The following TENM3 variants were observed in gnomAD, a reference collection of about 807,000 sequenced individuals.
The protein encoded by TENM3 is teneurin-3.
TENM3 carries 63 observed loss-of-function variants against 255.1 expected under a neutral mutation model. The observed-to-expected ratio is 0.25, with a 90% CI of 0.20 to 0.30. The LOEUF (loss-of-function observed/expected upper bound fraction) is 0.30, where lower values mean the gene tolerates loss of function less well. Ranked by LOEUF, TENM3 falls within the 10% of genes least tolerant of loss-of-function variation. The pLI is 1.00. For synonymous variants in TENM3, 1,306 were observed against 1,322.3 expected (o/e 0.99, Z 0.27); for missense variants, 2,929 against 3,461.1 (o/e 0.85, Z 3.86).
chr4:182,169,213 C>T lies in TENM3; in HGVS notation c.-76+24459C>T, dbSNP rs1001320602. 12 of 462,168 alleles carry T rather than the reference C, an allele frequency of 2.6e-5. 1 individual carries two copies. The highest frequency in any genetic ancestry group is 5.3e-5 in the Non-Finnish European group (12 of 224,616). The allele number at this position is 462,168 out of a possible 1,614,324, so 28.6% of individuals were successfully genotyped here. A position where few individuals can be genotyped will look rare whatever the true frequency, so the allele number is the denominator to read the frequency against. ...TTCATAAACCAAGTGATTTTTGAAG[C>T]CTGCAGTCTGGCGAGTCAGGTTGGT... On this transcript the variant is annotated intron_variant, in intron 1 of 2. Transcript: ENST00000512480.
At chr4:182,487,030 G>A (rs931850126) in intron 3 of TENM3, among the ~76,000 whole-genome samples, 5 of 152,016 alleles carry the variant, frequency 3.3e-5, no homozygotes, top group African/African-American at 9.7e-5. Context: ...CATCTCACTC[G>A]GTATCATAAC....
At chr4:181,491,443 C>T in the TENM3 span, among the ~76,000 whole-genome samples, 1 of 151,984 alleles carries the variant, frequency 6.6e-6, no homozygotes, top group East Asian at 1.9e-4. Flanking sequence ...CTCATTTTCT[C>T]TGCTTCTCTT....
rs544244379 is a variant in TENM3 at position 182,745,515 on chromosome 4, C to T, written c.3629+2096C>T. ...TTTAACAAGCGGGCCTATTCCATGCCGGGCATGGTGCCAGATATTTTATAT... is the reference window on the plus strand; with the variant it reads ...TTTAACAAGCGGGCCTATTCCATGCTGGGCATGGTGCCAGATATTTTATAT... On this transcript the variant is annotated intron_variant, in intron 19 of 27. Transcript: ENST00000511685. 1.8e-4 allele frequency among the ~76,000 whole-genome samples: 27 copies of T among 152,236 alleles called. No individual in the cohort carries two copies. The South Asian group carries it at 2.1e-3, about 12-fold the overall frequency.
At chr4:182,736,759 A>G in intron 16 of TENM3, 49 bp from the exon 17 acceptor site, 1 of 1,518,418 alleles carries the variant, frequency 6.6e-7, no homozygotes, top group Non-Finnish European at 8.9e-7. Context: ...ATTTTATCTA[A>G]TCGTCATACG....
At chr4:182,351,686 C>A (rs764479820) in intron 3 of TENM3, among the ~76,000 whole-genome samples, 7 of 152,202 alleles carry the variant, frequency 4.6e-5, no homozygotes, top group Non-Finnish European at 8.8e-5. Context: ...ACTCAGGACC[C>A]CGAGAGCCTC....
chr4:181,728,668 T>C, the TENM3 span, among the ~76,000 whole-genome samples: 6 of 152,184 alleles, frequency 3.9e-5, no homozygotes, highest in African/African-American at 1.4e-4. Flanking sequence ...GTGAAGGTTT[T>C]GGCCAGCTTC....
chr4:181,929,185 C>A, the TENM3 span, among the ~76,000 whole-genome samples: 2 of 152,212 alleles, frequency 1.3e-5, no homozygotes, highest in African/African-American at 2.4e-5. Context: ...ACAATAGTAA[C>A]CTTAAATGTA....
At chr4:182,197,249 T>C (rs1410811867) in intron 1 of TENM3, among the ~76,000 whole-genome samples, 2 of 151,874 alleles carry the variant, frequency 1.3e-5, no homozygotes, top group Non-Finnish European at 2.9e-5. Flanking sequence ...AAGTGAATTG[T>C]TTGCATCTAC....
At chr4:181,986,298 C>T in the TENM3 span, among the ~76,000 whole-genome samples, 25,962 of 151,850 alleles carry the variant, frequency 0.17, 2,434 homozygotes, top group Middle Eastern at 0.23. Context: ...GTTCTCCCTG[C>T]TCTCAGGGGT....
Position 182,775,069 on chromosome 4 carries a change from C to A in TENM3, c.5220C>A (p.Gly1740=). ...CCAAAAGAAACATGACTTTGCCTGG[C>A]GAGAACGGTCAAAACTTGGTGGAAT... The part of the protein sequence containing the change: ...TVAKRNMTLP[G]ENGQNLVEWR... The change falls in exon 24 of 28, where the codon GGC becomes GGA. Residue 1740 remains glycine (G), a synonymous_variant. Coordinates refer to ENST00000511685, the MANE Select transcript of TENM3 (RefSeq NM_001080477.4). 6.2e-7 allele frequency: 1 copy of A among 1,613,976 alleles called. No homozygotes were observed. The highest frequency in any genetic ancestry group is 8.5e-7 in the Non-Finnish European group (1 of 1,179,876).
chr4:182,562,032 A>G (rs1009719086), intron 3 of TENM3, among the ~76,000 whole-genome samples: 1 of 151,842 alleles, frequency 6.6e-6, no homozygotes, highest in Admixed American at 6.6e-5. Context: ...AGATAGATAG[A>G]TACACACCCT....
At chr4:182,136,736 A>G in the TENM3 span, among the ~76,000 whole-genome samples, 1 of 152,204 alleles carries the variant, frequency 6.6e-6, no homozygotes, top group Admixed American at 6.5e-5. Flanking sequence ...AGAGAAGCCC[A>G]TTATAACAGC....
intron 1 of TENM3, among the ~76,000 whole-genome samples, chr4:182,204,861 T>A (rs571912856): frequency 3.3e-5 from 5 of 152,236 alleles, no homozygotes; most frequent in Admixed American, 6.5e-5. Context: ...TGTATATGTT[T>A]GCCTATAGAG....
At chr4:182,221,955 G>A (rs1439222785) in intron 1 of TENM3, among the ~76,000 whole-genome samples, 2 of 152,090 alleles carry the variant, frequency 1.3e-5, no homozygotes, top group Non-Finnish European at 2.9e-5. Flanking sequence ...TTGAGTTTTT[G>A]CCTTGACATA....
the TENM3 span, among the ~76,000 whole-genome samples, chr4:181,856,076 A>G: frequency 4.6e-3 from 114 of 24,906 alleles, 3 homozygotes; most frequent in Admixed American, 0.032. Flanking sequence ...GGAAAGGAAG[A>G]AGGAAGGAAG....
At chr4:181,602,080 C>T in the TENM3 span, among the ~76,000 whole-genome samples, 1 of 152,120 alleles carries the variant, frequency 6.6e-6, no homozygotes, top group South Asian at 2.1e-4. Context: ...GTGGACAAAT[C>T]TTTTGGATGC....
the TENM3 span, chr4:182,079,507 GA>G: frequency 4.9e-5 from 7 of 143,608 alleles, no homozygotes; most frequent in Admixed American, 1.4e-4. Context: ...CAGAGCAAGA[GA>G]AAAAAAAAAG....
chr4:181,921,228 G>T, the TENM3 span, among the ~76,000 whole-genome samples: 1 of 152,012 alleles, frequency 6.6e-6, no homozygotes, highest in Non-Finnish European at 1.5e-5. Context: ...CTCTTTTTTG[G>T]TTCCATATGA....
At chr4:181,835,602 C>T in the TENM3 span, among the ~76,000 whole-genome samples, 3,184 of 152,136 alleles carry the variant, frequency 0.021, 116 homozygotes, top group African/African-American at 0.071. Flanking sequence ...GAGTCAAAGA[C>T]GTTTTCCTGT....
Sources: gnomAD v4.1 joint callset for allele counts (sites outside exome capture counted in the v4.1 genomes callset) on GRCh38, gnomAD v4.1.1 for gene constraint, MANE v1.5 for transcripts, NCBI Gene and HGNC (gene_info 2026-07-23, HGNC 2026-07-21) for gene names.